The following NCOA1 variants were observed in gnomAD, a reference collection of about 807,000 sequenced individuals.
The protein encoded by NCOA1 is Hin-2 protein.
In NCOA1, 35 loss-of-function variants were observed where a neutral mutation model predicts 150.9. The observed-to-expected ratio is 0.23, with a 90% CI of 0.18 to 0.31. The LOEUF is 0.31. NCOA1 is among the 10% of genes least tolerant of loss of function. The pLI, the probability that NCOA1 is intolerant of heterozygous loss-of-function variation, is 1.00. For synonymous variants in NCOA1, 590 were observed against 630.0 expected (o/e 0.94, Z 0.95); for missense variants, 1,491 against 1,749.3 (o/e 0.85, Z 2.63).
chr2:24,564,179 ATAAC>A (rs1666400557), intron 1 of NCOA1, 112 bp from the exon 2 acceptor site: 1 of 152,242 alleles, frequency 6.6e-6, no homozygotes, highest in South Asian at 2.1e-4. Flanking sequence ...CATTTCTTGA[ATAAC>A]TAAAGCATCT....
intron 10 of NCOA1, among the ~76,000 whole-genome samples, chr2:24,694,907 T>C (rs1168507730): frequency 6.6e-6 from 1 of 152,080 alleles, no homozygotes; most frequent in Admixed American, 6.6e-5. Flanking sequence ...ATTGGTCTTT[T>C]CTGTCAGTAA....
chr2:24,543,267 C>T (rs539268038), intron 1 of NCOA1, among the ~76,000 whole-genome samples: 1 of 152,278 alleles, frequency 6.6e-6, no homozygotes, highest in East Asian at 1.9e-4. Context: ...GGAAGCCAAA[C>T]TTCCTTTTAT....
intron 2 of NCOA1, among the ~76,000 whole-genome samples, chr2:24,583,742 C>A (rs975455437): frequency 2.6e-5 from 4 of 151,994 alleles, no homozygotes; most frequent in African/African-American, 9.7e-5. Context: ...TCATTTGGAG[C>A]AATGTGGATG....
chr2:24,593,028 G>A (rs1667724743), intron 3 of NCOA1, among the ~76,000 whole-genome samples: 1 of 152,086 alleles, frequency 6.6e-6, no homozygotes, highest in African/African-American at 2.4e-5. Flanking sequence ...AAGTCGTGAA[G>A]TTGTAGCTTT....
intron 2 of NCOA1, among the ~76,000 whole-genome samples, chr2:24,575,967 G>T (rs1666937368): frequency 6.6e-6 from 1 of 151,956 alleles, no homozygotes; most frequent in African/African-American, 2.4e-5. Flanking sequence ...TTTTAAGGAG[G>T]CTTTGTTAGG....
rs763779955 is a variant in NCOA1 at position 24,691,664 on chromosome 2, A to G, written c.712+4A>G. The G allele has an allele frequency of 1.2e-6, 2 of 1,612,390 alleles. No homozygotes were observed. Among genetic ancestry groups the G allele is most frequent in the South Asian group, 2.2e-5 (2 of 90,800 alleles). On this transcript the variant is annotated splice_donor_region_variant and intron_variant, in intron 9 of 22. Transcript: ENST00000348332. Reference sequence around the variant, plus strand: ...TCAATTCAAGAGGATGGAGAAGGTAAAGCCAAACGGTCTTTTTAAAGTGTT... The same window carrying G: ...TCAATTCAAGAGGATGGAGAAGGTAGAGCCAAACGGTCTTTTTAAAGTGTT...
chr2:24,659,391 A>T (rs1671083108), intron 5 of NCOA1, among the ~76,000 whole-genome samples: 6 of 152,200 alleles, frequency 3.9e-5, no homozygotes, highest in Admixed American at 2.6e-4. Context: ...TTGGTTTGTT[A>T]TAAGGAATAT....
intron 1 of NCOA1, among the ~76,000 whole-genome samples, chr2:24,503,161 C>T (rs912027757): frequency 6.6e-6 from 1 of 152,284 alleles, no homozygotes; most frequent in South Asian, 2.1e-4. Flanking sequence ...GGAATACTCA[C>T]AGATAAACTA....
chr2:24,710,553 T>G (rs1175438430), intron 13 of NCOA1, among the ~76,000 whole-genome samples: 1 of 152,216 alleles, frequency 6.6e-6, no homozygotes, highest in South Asian at 2.1e-4. Flanking sequence ...AGTCATTTTA[T>G]GAAATTTTGA....
intron 1 of NCOA1, among the ~76,000 whole-genome samples, chr2:24,531,182 G>T (rs187794172): frequency 6.6e-6 from 1 of 152,290 alleles, no homozygotes; most frequent in African/African-American, 2.4e-5. Flanking sequence ...CAGTATGGAG[G>T]TTCCTAAAGA....
chr2:24,555,093 T>G (rs1225398171), intron 1 of NCOA1, among the ~76,000 whole-genome samples: 2 of 152,180 alleles, frequency 1.3e-5, no homozygotes, highest in East Asian at 1.9e-4. Context: ...AAAACAGCTC[T>G]CTCTCTAGTG....
chr2:24,626,511 A>G (rs971898694), intron 3 of NCOA1, among the ~76,000 whole-genome samples: 3 of 152,226 alleles, frequency 2.0e-5, no homozygotes, highest in African/African-American at 7.2e-5. Flanking sequence ...AGCTGACTGA[A>G]GCAGTTCTAA....
intron 2 of NCOA1, among the ~76,000 whole-genome samples, chr2:24,565,498 A>G (rs1300959290): frequency 6.6e-6 from 1 of 152,240 alleles, no homozygotes; most frequent in Non-Finnish European, 1.5e-5. Context: ...CTGTTTTAGA[A>G]GAAGACTATG....
In NCOA1 at chr2:24,768,388, A is replaced by C. The variant is rs1197172491; in HGVS notation, c.4323A>C (p.Glu1441Asp). The change falls in exon 23 of 23, where the codon GAA becomes GAC. Residue 1441 changes from glutamate (E) to aspartate (D), a missense_variant. Glu to Asp is a conservative substitution (Grantham distance 45). Around this residue, in one of 8 missense-constraint regions of NCOA1, gnomAD observed 46 missense variants for 78.8 expected, o/e 0.58. Coordinates refer to ENST00000348332, the MANE Select transcript of NCOA1 (RefSeq NM_003743.5). ...GCCTCCTTCAGCAGCTACTGACTGA[A>C]TAACCACTTTTAAAGGAATGTGAAA... ...QKSLLQQLLT[E>D] is the part of the protein sequence containing the mutation. The C allele has an allele frequency of 6.2e-7, 1 of 1,604,862 alleles. No individual in the cohort carries two copies. Among genetic ancestry groups the C allele is most frequent in the Admixed American group, 1.7e-5 (1 of 58,778 alleles).
chr2:24,719,042 A>C (rs1344198879), intron 14 of NCOA1, among the ~76,000 whole-genome samples: 1 of 150,616 alleles, frequency 6.6e-6, no homozygotes, highest in East Asian at 1.9e-4. Context: ...AAAAAAAAAA[A>C]AAAAAAAAAA....
At chr2:24,553,048 G>C (rs960142592) in intron 1 of NCOA1, among the ~76,000 whole-genome samples, 2 of 152,150 alleles carry the variant, frequency 1.3e-5, no homozygotes, top group African/African-American at 2.4e-5. Context: ...GGAGTGGTGA[G>C]AGCAGACGTT....
chr2:24,720,981 T>G (rs1188736584), intron 14 of NCOA1, among the ~76,000 whole-genome samples: 1 of 152,218 alleles, frequency 6.6e-6, no homozygotes, highest in Non-Finnish European at 1.5e-5. Context: ...TCATCCTCCT[T>G]CACCACCTGA....
chr2:24,500,283 T>A (rs1460179908), intron 1 of NCOA1, among the ~76,000 whole-genome samples: 1 of 152,156 alleles, frequency 6.6e-6, no homozygotes, highest in Non-Finnish European at 1.5e-5. Flanking sequence ...TAATTTTGTA[T>A]TTTTAGTGGA....
intron 1 of NCOA1, among the ~76,000 whole-genome samples, chr2:24,505,880 A>T (rs573487185): frequency 3.9e-5 from 6 of 152,266 alleles, no homozygotes; most frequent in African/African-American, 1.2e-4. Flanking sequence ...TAACGTAGAG[A>T]GTGCCTTGAA....
Sources: allele counts gnomAD v4.1 joint callset (sites outside exome capture counted in the v4.1 genomes callset), GRCh38; gene constraint gnomAD v4.1.1; regional missense constraint gnomAD v4.1.1; transcripts MANE v1.5; gene names NCBI Gene and HGNC (gene_info 2026-07-23, HGNC 2026-07-21).